LIPA: variants seen among roughly 807,000 people sequenced by gnomAD.
LIPA encodes lysosomal acid lipase/cholesteryl ester hydrolase.
LIPA carries 26 observed loss-of-function variants against 40.6 expected under a neutral mutation model. The observed-to-expected ratio is 0.64, with a 90% CI of 0.47 to 0.89. The LOEUF is 0.89. LIPA is among the 40% of genes least tolerant of loss of function. The probability of loss-of-function intolerance (pLI) is 0.00; values close to 1 mark genes in which losing one functional copy is unlikely to be tolerated. For synonymous variants in LIPA, 188 were observed against 168.4 expected, an observed-to-expected ratio of 1.12 and a Z score of -0.90; for missense variants, 455 against 479.6, an observed-to-expected ratio of 0.95 and a Z score of 0.48.
intron 2 of LIPA, among the ~76,000 whole-genome samples, chr10:89,374,570 C>T (rs562940691): frequency 4.0e-4 from 61 of 152,324 alleles, no homozygotes; most frequent in African/African-American, 6.7e-4. Context: ...TAATTTTATG[C>T]ATGAAAATTC....
At chr10:89,400,086 A>AT (rs1443841448) in intron 2 of LIPA, among the ~76,000 whole-genome samples, 1 of 152,234 alleles carries the variant, frequency 6.6e-6, no homozygotes, top group African/African-American at 2.4e-5. Context: ...ATACAGTCAG[A>AT]TAAGTAAGGG....
intron 7 of LIPA, 72 bp from the exon 8 acceptor site, chr10:89,222,654 T>G: frequency 9.6e-7 from 1 of 1,039,750 alleles, no homozygotes; most frequent in Non-Finnish European, 1.5e-6. Flanking sequence ...ACATTGTATT[T>G]TGCCCTTCAA....
intron 1 of LIPA, chr10:89,332,611 G>A (rs987366889): frequency 1.8e-5 from 29 of 1,614,056 alleles, no homozygotes; most frequent in Non-Finnish European, 2.4e-5. Flanking sequence ...GAACTGCAGG[G>A]AAACAGCCAT....
At chr10:89,342,083 C>T (rs1033572208) in intron 1 of LIPA, among the ~76,000 whole-genome samples, 59 of 152,126 alleles carry the variant, frequency 3.9e-4, no homozygotes, top group Non-Finnish European at 7.3e-5. Context: ...TACATGTCAA[C>T]TAAATTTTTA....
At chr10:89,223,597 C>T in intron 7 of LIPA, 87 bp downstream of exon 7, 1 of 1,114,648 alleles carries the variant, frequency 9.0e-7, no homozygotes. Context: ...CTGATGAGGT[C>T]ATTCCCACCT....
At chr10:89,372,773 A>C (rs1419904646) in intron 2 of LIPA, among the ~76,000 whole-genome samples, 1 of 152,204 alleles carries the variant, frequency 6.6e-6, no homozygotes, top group Non-Finnish European at 1.5e-5. Flanking sequence ...TATAATCCTA[A>C]ATTTCAATTG....
intron 8 of LIPA, among the ~76,000 whole-genome samples, chr10:89,219,062 T>C (rs960650381): frequency 6.6e-6 from 1 of 152,226 alleles, no homozygotes; most frequent in Non-Finnish European, 1.5e-5. Flanking sequence ...TTCACTCATG[T>C]ATTTTCTAAA....
At chr10:89,280,858 T>C (rs149195734) in intron 1 of LIPA, among the ~76,000 whole-genome samples, 137 of 152,338 alleles carry the variant, frequency 9.0e-4, no homozygotes, top group Non-Finnish European at 1.6e-3. Flanking sequence ...TTGGAATTCA[T>C]GGCTGAATAT....
At chr10:89,284,207 C>T (rs1439510765) in intron 1 of LIPA, 1 of 152,192 alleles carries the variant, frequency 6.6e-6, no homozygotes, top group Non-Finnish European at 1.5e-5. Flanking sequence ...TCCTTGCAGG[C>T]ACATTTTCAT....
chr10:89,301,906 T>C (rs1307300983), intron 1 of LIPA: 9 of 504,066 alleles, frequency 1.8e-5, no homozygotes, highest in Non-Finnish European at 1.8e-5. Context: ...TAAAGTATAA[T>C]AAAAAGAAAA....
chr10:89,339,531 G>C lies in LIPA; in HGVS notation c.-2+3080C>G. The C allele has an allele frequency of 1.2e-6, 2 of 1,614,088 alleles. 1 individual carries two copies. Among genetic ancestry groups the C allele is most frequent in the South Asian group, 2.2e-5 (2 of 91,080 alleles). ...GCTACAAGGCAAAAGTAAGACAAAT[G>C]CAGAATACAGGAGAATCTGAAGCTA... On this transcript the variant is annotated intron_variant, in intron 1 of 5. Coordinates refer to the LIPA transcript ENST00000282673.
At chr10:89,412,188 G>A (rs979995850) in intron 2 of LIPA, among the ~76,000 whole-genome samples, 3 of 152,044 alleles carry the variant, frequency 2.0e-5, no homozygotes, top group Non-Finnish European at 4.4e-5. Flanking sequence ...TCAGCAATTG[G>A]GGTGTCCTGT....
intron 3 of LIPA, among the ~76,000 whole-genome samples, chr10:89,234,774 A>G (rs1271257090): frequency 1.3e-5 from 2 of 152,266 alleles, no homozygotes; most frequent in Non-Finnish European, 2.9e-5. Context: ...GAACTATTTC[A>G]GATTTCACTT....
upstream of LIPA, among the ~76,000 whole-genome samples, chr10:89,346,364 T>G (rs1843921561): frequency 6.6e-6 from 1 of 152,170 alleles, no homozygotes; most frequent in African/African-American, 2.4e-5. Flanking sequence ...TTACCAGTTG[T>G]CCCACTAATA....
intron 1 of LIPA, among the ~76,000 whole-genome samples, chr10:89,269,199 G>A (rs909892055): frequency 4.0e-5 from 6 of 151,176 alleles, no homozygotes; most frequent in African/African-American, 9.7e-5. Flanking sequence ...GCGTGGTGGC[G>A]CATGCCTGTA....
At chr10:89,387,158 T>C (rs539942271) in intron 2 of LIPA, among the ~76,000 whole-genome samples, 5 of 151,806 alleles carry the variant, frequency 3.3e-5, no homozygotes, top group Non-Finnish European at 1.5e-5. Flanking sequence ...CTACTAAAAA[T>C]ACAAAAAATT....
intron 2 of LIPA, among the ~76,000 whole-genome samples, chr10:89,352,947 G>T (rs1366551843): frequency 6.6e-6 from 1 of 152,186 alleles, no homozygotes; most frequent in African/African-American, 2.4e-5. Flanking sequence ...AGGACAGAAA[G>T]TCATAACTCT....
chr10:89,390,508 G>T (rs1179577856), intron 2 of LIPA, among the ~76,000 whole-genome samples: 1 of 152,154 alleles, frequency 6.6e-6, no homozygotes, highest in African/African-American at 2.4e-5. Context: ...CCCTTGCAGA[G>T]CCCAGCTTAG....
rs1457187514 is a variant in LIPA at position 89,228,271 on chromosome 10, G to A, written c.357C>T (p.Asn119=). 6.2e-7 allele frequency: 1 copy of A among 1,614,046 alleles called. No homozygotes were observed. The highest frequency in any genetic ancestry group is 2.2e-5 in the East Asian group (1 of 44,902). ...TCCGAGACCAGGTATTTCCTCTGCT[G>A]TTGCCCATCCACACGTCAAAACCAG... ...ADAGFDVWMG[N]SRGNTWSRKH... Residue 119 remains asparagine (N), a synonymous_variant, in exon 4 of 10, where the codon AAC becomes AAT. Coordinates refer to ENST00000336233, the MANE Select transcript of LIPA (RefSeq NM_000235.4).
Sources: gnomAD v4.1 joint callset for allele counts (sites outside exome capture counted in the v4.1 genomes callset) on GRCh38, gnomAD v4.1.1 for gene constraint, MANE v1.5 for transcripts, NCBI Gene and HGNC (gene_info 2026-07-23, HGNC 2026-07-21) for gene names.